SNTG1: variants seen among roughly 807,000 people sequenced by gnomAD.
SNTG1 encodes the protein syntrophin gamma 1.
SNTG1 carries 39 observed loss-of-function variants against 74.7 expected under a neutral mutation model. That is an observed-to-expected ratio of 0.52 (90% CI 0.40 to 0.68). The LOEUF is 0.68. Ranked by LOEUF, SNTG1 falls within the 30% of genes least tolerant of loss-of-function variation. The pLI is 0.00. For missense variants in SNTG1, 685 were observed against 609.5 expected (o/e 1.12, Z -1.30); for synonymous variants, 254 against 217.1 (o/e 1.17, Z -1.49).
intron 17 of SNTG1, 22 bp downstream of exon 17, chr8:50,709,000 T>C: frequency 6.5e-7 from 1 of 1,529,500 alleles, no homozygotes; most frequent in Non-Finnish European, 9.1e-7. Context: ...AGGTCAGCTC[T>C]GAGAAATATG....
chr8:49,912,353 T>C (rs919763605), intron 1 of SNTG1, 122 bp downstream of exon 1: 5 of 152,232 alleles, frequency 3.3e-5, no homozygotes, highest in African/African-American at 9.6e-5. Flanking sequence ...GCAATTTTGT[T>C]TTAAAATAAT....
chr8:50,324,938 C>CATATATAT (rs201152206), intron 2 of SNTG1, among the ~76,000 whole-genome samples: 216 of 133,976 alleles, frequency 1.6e-3, no homozygotes, highest in African/African-American at 5.5e-3. Flanking sequence ...GCATTTTATA[C>CATATATAT]ATATATATAT....
At chr8:50,574,137 C>G (rs145952343) in intron 12 of SNTG1, among the ~76,000 whole-genome samples, 6 of 152,106 alleles carry the variant, frequency 3.9e-5, no homozygotes, top group African/African-American at 1.4e-4. Flanking sequence ...TTCTACTGCT[C>G]AAGGTCATTA....
intron 11 of SNTG1, among the ~76,000 whole-genome samples, chr8:50,543,783 T>C (rs2094365813): frequency 6.6e-6 from 1 of 152,020 alleles, no homozygotes; most frequent in Non-Finnish European, 1.5e-5. Context: ...TCTAGAGTGA[T>C]TGTCCAATTT....
At chr8:50,364,256 CAATAACATAAACTCAGGTGTGGTTG>C (rs1203547066) in intron 2 of SNTG1, among the ~76,000 whole-genome samples, 1 of 152,142 alleles carries the variant, frequency 6.6e-6, no homozygotes, top group Non-Finnish European at 1.5e-5. Flanking sequence ...AAAGCCACTG[CAATAACATAAACTCAGGTGTGGTTG>C]AAAGGCACTT....
chr8:50,394,035 CTT>C (rs2131309390), intron 2 of SNTG1, among the ~76,000 whole-genome samples, 175 bp from the exon 3 acceptor site: 1 of 152,268 alleles, frequency 6.6e-6, no homozygotes, highest in South Asian at 2.1e-4. Flanking sequence ...GGGATTAAGA[CTT>C]TTTTCATCTG....
intron 2 of SNTG1, among the ~76,000 whole-genome samples, chr8:50,348,593 A>T (rs963262054): frequency 6.6e-6 from 1 of 152,206 alleles, no homozygotes; most frequent in Non-Finnish European, 1.5e-5. Flanking sequence ...TTAATGTAGG[A>T]TGATAAATCA....
rs2090181597 is a variant in SNTG1, at chr8:50,313,215, A to G, written c.-27-80997A>G. ...GATCTGAAACTATAAAATAATTCAAAGAAAAACTTAGAGGAAAAGCTGCAT... is the reference window on the plus strand; with the variant it reads ...GATCTGAAACTATAAAATAATTCAAGGAAAAACTTAGAGGAAAAGCTGCAT... On this transcript the variant is annotated intron_variant, in intron 2 of 18. Coordinates refer to ENST00000642720, the MANE Select transcript of SNTG1 (RefSeq NM_018967.5). Among the ~76,000 whole-genome samples the G allele has an allele frequency of 2.0e-5, 3 of 149,970 alleles. No homozygotes were observed. The Admixed American group carries it at 2.0e-4, about 10-fold the overall frequency.
intron 1 of SNTG1, among the ~76,000 whole-genome samples, chr8:50,054,511 T>C (rs1208622209): frequency 1.3e-5 from 2 of 152,042 alleles, no homozygotes; most frequent in African/African-American, 2.4e-5. Context: ...AACCATAAAC[T>C]CTTTCCATCT....
intron 2 of SNTG1, among the ~76,000 whole-genome samples, chr8:50,260,098 G>A (rs1245668282): frequency 6.6e-6 from 1 of 151,994 alleles, no homozygotes. Flanking sequence ...AATACACCTG[G>A]GACATTCTGT....
intron 1 of SNTG1, among the ~76,000 whole-genome samples, chr8:49,975,554 C>A (rs1188464968): frequency 1.3e-5 from 2 of 152,024 alleles, no homozygotes; most frequent in Admixed American, 1.3e-4. Context: ...TTACTGTTTT[C>A]AGGATGAGAA....
At chr8:50,256,100 A>G (rs2129990091) in intron 2 of SNTG1, among the ~76,000 whole-genome samples, 1 of 152,226 alleles carries the variant, frequency 6.6e-6, no homozygotes, top group South Asian at 2.1e-4. Context: ...GCCTGCTTGT[A>G]TGTATGTCAT....
chr8:50,384,320 G>A (rs1291676716), intron 2 of SNTG1, among the ~76,000 whole-genome samples: 2 of 152,328 alleles, frequency 1.3e-5, no homozygotes, highest in East Asian at 3.9e-4. Context: ...TCTGTGAGGT[G>A]AGTGCCTTGA....
At chr8:50,313,480 GA>G (rs1291313656) in intron 2 of SNTG1, among the ~76,000 whole-genome samples, 1 of 149,512 alleles carries the variant, frequency 6.7e-6, no homozygotes, top group Non-Finnish European at 1.5e-5. Flanking sequence ...ACAATCCTGT[GA>G]AAAAATGGGC....
At chr8:50,560,111 T>TA (rs1430079499) in intron 12 of SNTG1, among the ~76,000 whole-genome samples, 1 of 151,856 alleles carries the variant, frequency 6.6e-6, no homozygotes. Context: ...AAAAACATAT[T>TA]AAAAAAACCC....
intron 11 of SNTG1, 145 bp from the exon 12 acceptor site, chr8:50,552,905 G>T: frequency 2.2e-6 from 2 of 899,804 alleles, no homozygotes; most frequent in South Asian, 2.0e-5. Flanking sequence ...AAACAGAGAT[G>T]CTTATAAAGT....
intron 2 of SNTG1, among the ~76,000 whole-genome samples, chr8:50,264,004 A>G (rs964245470): frequency 7.9e-5 from 12 of 152,242 alleles, no homozygotes; most frequent in Non-Finnish European, 1.6e-4. Context: ...CAATGGATGA[A>G]AAGCAGAAAT....
At chr8:49,982,678 A>G (rs1389509387) in intron 1 of SNTG1, among the ~76,000 whole-genome samples, 2 of 150,790 alleles carry the variant, frequency 1.3e-5, no homozygotes, top group East Asian at 3.9e-4. Context: ...TTACTTGACC[A>G]AGGACCAAGG....
chr8:49,966,319 A>T lies in SNTG1; in HGVS notation c.-103+54088A>T, dbSNP rs528170826. Among the ~76,000 whole-genome samples the T allele has an allele frequency of 3.3e-5, 5 of 152,204 alleles. No homozygotes were observed. In the South Asian group the frequency reaches 1.0e-3, roughly 32 times the overall value. On this transcript the variant is annotated intron_variant, in intron 1 of 18. Coordinates refer to ENST00000642720, the MANE Select transcript of SNTG1 (RefSeq NM_018967.5). ...GTACGGGAAATACAGTCAGTACTTT[A>T]AGTGTTTAGTTACCATTTTTGTTTT...
Sources: allele counts gnomAD v4.1 joint callset (sites outside exome capture counted in the v4.1 genomes callset), GRCh38; gene constraint gnomAD v4.1.1; transcripts MANE v1.5; gene names NCBI Gene and HGNC (gene_info 2026-07-23, HGNC 2026-07-21).